The following COQ6 variants were observed in gnomAD, a reference collection of about 807,000 sequenced individuals.
COQ6 encodes the protein ubiquinone biosynthesis monooxygenase COQ6, mitochondrial.
In COQ6, 45 loss-of-function variants were observed where a neutral mutation model predicts 55.5. The ratio of observed to expected loss-of-function variants is 0.81; its 90% CI spans 0.64 to 1.04. The LOEUF (loss-of-function observed/expected upper bound fraction) is 1.04. Among genes scored for constraint, COQ6 ranks in the 50% least tolerant of loss-of-function variants. The pLI is 0.00. For synonymous variants in COQ6, 206 were observed against 230.5 expected (o/e 0.89, Z 0.96); for missense variants, 550 against 601.3 (o/e 0.91, Z 0.89).
In COQ6 at chr14:73,961,508, T is replaced by C. The variant is rs759273299; in HGVS notation, c.1148T>C (p.Phe383Ser). The C allele has an allele frequency of 6.2e-7, 1 of 1,614,148 alleles. No individual in the cohort carries two copies. Among genetic ancestry groups the C allele is most frequent in the Non-Finnish European group, 8.5e-7 (1 of 1,180,030 alleles). The change falls in exon 10 of 12, where the codon TTT becomes TCT. Residue 383 changes from phenylalanine to serine, a missense_variant. Transcript: ENST00000334571. ...GCAGGACAGGGTGTCAACATGGGCT[T>C]TGGGGATATCTCCAGCTTGGCCCAT... is the stretch of plus-strand genomic sequence containing the variant. The part of the protein sequence containing the change: ...PLAGQGVNMG[F>S]GDISSLAHHL...
At chr14:73,960,484 G>A (rs1566691123) in intron 8 of COQ6, 1 of 993,128 alleles carries the variant, frequency 1.0e-6, no homozygotes, top group South Asian at 4.5e-5. Flanking sequence ...AAGAATAAAG[G>A]GAACTGAACA....
At chr14:73,955,098 G>A (rs944519355) in intron 2 of COQ6, among the ~76,000 whole-genome samples, 28 of 150,950 alleles carry the variant, frequency 1.9e-4, no homozygotes, top group African/African-American at 5.8e-4. Flanking sequence ...GACTACAGGC[G>A]CCCGCCACCA....
At chr14:73,962,781 C>T (rs914811058) in intron 11 of COQ6, 189 bp from the exon 12 acceptor site, 4 of 613,040 alleles carry the variant, frequency 6.5e-6, no homozygotes, top group Non-Finnish European at 1.2e-5. Flanking sequence ...CACACCACTG[C>T]ACTCCAGCCC....
At chr14:73,950,542 G>A (rs1269935819) in intron 1 of COQ6, 47 bp downstream of exon 1, 1 of 1,561,852 alleles carries the variant, frequency 6.4e-7, no homozygotes, top group Non-Finnish European at 8.7e-7. Context: ...GGGCCGCGGA[G>A]GCACGATGAG....
intron 5 of COQ6, chr14:73,958,748 T>C: frequency 4.2e-6 from 6 of 1,441,886 alleles, no homozygotes; most frequent in Non-Finnish European, 5.5e-6. Context: ...GTTTAACTCA[T>C]GGCTGGCACC....
chr14:73,958,968 C>A lies in COQ6; in HGVS notation c.613-3C>A. 6.2e-7 allele frequency: 1 copy of A among 1,613,662 alleles called. No individual in the cohort carries two copies. The highest frequency in any genetic ancestry group is 1.1e-5 in the South Asian group (1 of 91,046). Reference sequence around the variant, plus strand: ...GACTTAGCAGGCTCATGTGTCCATGCAGATAGGTGCAGATGGTCACAACTC... The same window carrying A: ...GACTTAGCAGGCTCATGTGTCCATGAAGATAGGTGCAGATGGTCACAACTC... On this transcript the variant is annotated splice_polypyrimidine_tract_variant and splice_region_variant and intron_variant, in intron 5 of 11. Transcript: ENST00000334571.
rs1196720660 is a variant in COQ6, at chr14:73,961,164, G to A, written c.892-9G>A. 2 of 1,612,616 alleles carry A rather than the reference G, an allele frequency of 1.2e-6. No individual in the cohort carries two copies. Among genetic ancestry groups the A allele is most frequent in the African/African-American group, 2.7e-5 (2 of 74,912 alleles). Reference sequence around the variant, plus strand: ...TCACCTTGTTTGTCTTGTGGCTGATGCTGCTCAGTGGAGTGATGCTGACCA... The same window carrying A: ...TCACCTTGTTTGTCTTGTGGCTGATACTGCTCAGTGGAGTGATGCTGACCA... On this transcript the variant is annotated splice_polypyrimidine_tract_variant and intron_variant, in intron 8 of 11. Coordinates refer to ENST00000334571, the MANE Select transcript of COQ6 (RefSeq NM_182476.3).
At position 73,961,281 on chromosome 14, in the gene COQ6, A is replaced by G. The variant is rs768822735; in HGVS notation, c.1000A>G (p.Ser334Gly). The G allele has an allele frequency of 1.3e-5, 21 of 1,614,050 alleles. No homozygotes were observed. Among genetic ancestry groups the G allele is most frequent in the Admixed American group, 1.7e-5 (1 of 60,014 alleles). The change falls in exon 9 of 12, where the codon AGC (serine) becomes GGC (glycine). Residue 334 changes from serine (S) to glycine (G), a missense_variant. Ser to Gly is a moderately conservative substitution (Grantham distance 56, BLOSUM62 0). Coordinates refer to ENST00000334571, the MANE Select transcript of COQ6 (RefSeq NM_182476.3). ...GGTCTCGGCTCGCCAGCTGCCCCCA[A>G]GCGTAGCCAGGGTGGATGCCAAAAG... ...TKVSARQLPP[S>G]VARVDAKSRV...
In COQ6 at chr14:73,963,167, A is replaced by C; in HGVS notation, c.*168A>C. 1.4e-6 allele frequency: 1 copy of C among 711,508 alleles called. No homozygotes were observed. The highest frequency in any genetic ancestry group is 1.6e-5 in the South Asian group (1 of 62,050). The allele number at this position is 711,508 out of a possible 1,614,324, so 44.1% of individuals were successfully genotyped here. On this transcript the variant is annotated 3_prime_UTR_variant, in exon 12 of 12. Coordinates refer to ENST00000334571, the MANE Select transcript of COQ6 (RefSeq NM_182476.3). Reference sequence around the variant, plus strand: ...TGTGGCACCCAAATAATGAATGATAATTTGCTGTGAGGAGCGTATATTAGC... The same window carrying C: ...TGTGGCACCCAAATAATGAATGATACTTTGCTGTGAGGAGCGTATATTAGC...
At chr14:73,956,461 A>G (rs1374211426) in intron 4 of COQ6, 1 of 159,072 alleles carries the variant, frequency 6.3e-6, no homozygotes, top group Admixed American at 5.9e-5. Flanking sequence ...AGGCTATACA[A>G]TTTCACTTTC....
intron 1 of COQ6, among the ~76,000 whole-genome samples, chr14:73,951,348 A>T (rs1454362098): frequency 2.7e-5 from 4 of 145,736 alleles, no homozygotes; most frequent in African/African-American, 5.1e-5. Context: ...ACTTGCAAAT[A>T]TTTTCTTCCA....
chr14:73,957,930 T>A (rs1253391613), intron 4 of COQ6: 9 of 521,850 alleles, frequency 1.7e-5, no homozygotes. Context: ...TCTGACAGAG[T>A]TCACTGAGAA....
Position 73,958,146 on chromosome 14 carries a change from G to C in COQ6, c.482-1G>C, listed in dbSNP as rs1182148534. ...TTTTTCCTCTCTTTTGACCTCCCCAGACCGAGTGACGGTTCTCTACAGGAG... is the reference window on the plus strand; with the variant it reads ...TTTTTCCTCTCTTTTGACCTCCCCACACCGAGTGACGGTTCTCTACAGGAG... On this transcript the variant is annotated splice_acceptor_variant, in intron 4 of 11. Coordinates refer to ENST00000334571, the MANE Select transcript of COQ6 (RefSeq NM_182476.3). LOFTEE classifies it high-confidence loss of function. 2.5e-6 allele frequency: 4 copies of C among 1,613,684 alleles called. No homozygotes were observed. Among genetic ancestry groups the C allele is most frequent in the Non-Finnish European group, 3.4e-6 (4 of 1,179,844 alleles).
At chr14:73,956,193 T>G (rs1028973505) in intron 4 of COQ6, 11 of 384,454 alleles carry the variant, frequency 2.9e-5, no homozygotes, top group South Asian at 2.3e-4. Context: ...CCAGGCATGG[T>G]GGCGGGCGCC....
chr14:73,958,937 C>A (rs1159706094), intron 5 of COQ6, 34 bp from the exon 6 acceptor site: 1 of 1,612,370 alleles, frequency 6.2e-7, no homozygotes, highest in Non-Finnish European at 8.5e-7. Flanking sequence ...TATGAAGAGG[C>A]TGGAAGACTT....
At chr14:73,962,829 A>G (rs1425632659) in intron 11 of COQ6, 141 bp from the exon 12 acceptor site, 1 of 700,544 alleles carries the variant, frequency 1.4e-6, no homozygotes. Context: ...AAACGTGTGT[A>G]TATGTATGTA....
In COQ6 at chr14:73,961,553, T is replaced by C; in HGVS notation, c.1193T>C (p.Phe398Ser). The change falls in exon 10 of 12, where the codon TTC (phenylalanine) becomes TCC (serine). Residue 398 changes from phenylalanine to serine, a missense_variant. Coordinates refer to ENST00000334571, the MANE Select transcript of COQ6 (RefSeq NM_182476.3). ...SLAHHLSTAA[F>S]NGKDLGSVSH... The stretch of plus-strand genomic sequence containing the variant: ...GCCCATCACCTCAGTACGGCAGCCT[T>C]CAATGGGAAGGACTTAGGTAAGGAT... 6.2e-7 allele frequency: 1 copy of C among 1,614,124 alleles called. No individual in the cohort carries two copies. Among genetic ancestry groups the C allele is most frequent in the Non-Finnish European group, 8.5e-7 (1 of 1,180,008 alleles).
In COQ6 at chr14:73,959,630, C is replaced by T. The variant is rs767302141; in HGVS notation, c.891+108C>T. ...CTTGCCAGGCTGGAGCGCAGTGGCG[C>T]GATCTTGGCTCACTGTGCAATCTCC... On this transcript the variant is annotated intron_variant, in intron 8 of 11. Coordinates refer to ENST00000334571, the MANE Select transcript of COQ6 (RefSeq NM_182476.3). 1.7e-4 allele frequency: 271 copies of T among 1,566,990 alleles called. 1 individual carries two copies. Among genetic ancestry groups the T allele is most frequent in the African/African-American group, 1.2e-4 (9 of 73,582 alleles).
At chr14:73,951,355 T>C (rs954374286) in intron 1 of COQ6, among the ~76,000 whole-genome samples, 2 of 143,062 alleles carry the variant, frequency 1.4e-5, no homozygotes, top group African/African-American at 5.2e-5. Context: ...AATATTTTCT[T>C]CCATTTTGTA....
Sources: allele counts gnomAD v4.1 joint callset (sites outside exome capture counted in the v4.1 genomes callset), GRCh38; gene constraint gnomAD v4.1.1; transcripts MANE v1.5; gene names NCBI Gene and HGNC (gene_info 2026-07-23, HGNC 2026-07-21).